The following ATOSA variants were observed in gnomAD, a reference collection of about 807,000 sequenced individuals.
The protein encoded by ATOSA is atos homolog protein A.
chr15:52,626,621 T>C, the ATOSA span, among the ~76,000 whole-genome samples: 1 of 151,866 alleles, frequency 6.6e-6, no homozygotes, highest in Non-Finnish European at 1.5e-5. Context: ...GTGAGGAAAT[T>C]GGACTTCAGA....
At chr15:52,619,173 T>C in the ATOSA span, among the ~76,000 whole-genome samples, 8 of 152,210 alleles carry the variant, frequency 5.3e-5, no homozygotes, top group Non-Finnish European at 1.2e-4. Context: ...TTGTCAAGAA[T>C]GTCTAATTTT....
chr15:52,666,393 A>G, the ATOSA span, among the ~76,000 whole-genome samples: 2 of 152,200 alleles, frequency 1.3e-5, no homozygotes, highest in African/African-American at 4.8e-5. Context: ...CTCGCACAAT[A>G]CCTGATAAGT....
chr15:52,620,308 T>G, the ATOSA span, among the ~76,000 whole-genome samples: 1 of 152,098 alleles, frequency 6.6e-6, no homozygotes, highest in Non-Finnish European at 1.5e-5. Flanking sequence ...GTTCTCAGGT[T>G]TTTTCCAACT....
At chr15:52,657,600 G>C in the ATOSA span, 1 of 152,134 alleles carries the variant, frequency 6.6e-6, no homozygotes, top group Non-Finnish European at 1.5e-5. Flanking sequence ...CTCATTGACT[G>C]TGTGTTTAGT....
At chr15:52,611,451 T>C in the ATOSA span, 2 of 1,213,778 alleles carry the variant, frequency 1.6e-6, no homozygotes, top group African/African-American at 1.5e-5. Context: ...GTGCCAAATA[T>C]AAATACTATC....
At chr15:52,644,420 G>A in the ATOSA span, among the ~76,000 whole-genome samples, 2 of 152,120 alleles carry the variant, frequency 1.3e-5, no homozygotes, top group African/African-American at 4.8e-5. Context: ...TGTTAGAAGA[G>A]CCTATGACAT....
chr15:52,653,012 C>T, the ATOSA span, among the ~76,000 whole-genome samples: 2 of 152,148 alleles, frequency 1.3e-5, no homozygotes, highest in African/African-American at 4.8e-5. Flanking sequence ...CCCTGAACGT[C>T]GCATCAACTA....
chr15:52,622,317 A>C, the ATOSA span, among the ~76,000 whole-genome samples: 2 of 152,192 alleles, frequency 1.3e-5, no homozygotes, highest in African/African-American at 2.4e-5. Flanking sequence ...CTGGAATCTC[A>C]GTGAGATTCC....
the ATOSA span, chr15:52,587,355 G>A: frequency 1.4e-6 from 1 of 702,764 alleles, no homozygotes; most frequent in South Asian, 2.1e-5. Flanking sequence ...TGAATTAATA[G>A]AGATACATTC....
the ATOSA span, among the ~76,000 whole-genome samples, chr15:52,606,623 T>C: frequency 1.3e-5 from 2 of 152,078 alleles, no homozygotes; most frequent in Non-Finnish European, 2.9e-5. Context: ...GCTTGAAAAA[T>C]ATCACGGCCA....
chr15:52,617,097 A>C, the ATOSA span, among the ~76,000 whole-genome samples: 2 of 152,216 alleles, frequency 1.3e-5, no homozygotes, highest in Non-Finnish European at 2.9e-5. Context: ...ATTGAAATTC[A>C]TATGTTGAAG....
chr15:52,594,571 A>G, the ATOSA span, among the ~76,000 whole-genome samples: 1 of 152,246 alleles, frequency 6.6e-6, no homozygotes, highest in Admixed American at 6.5e-5. Flanking sequence ...AAACAGTGAC[A>G]TATCAGCAAT....
the ATOSA span, among the ~76,000 whole-genome samples, chr15:52,672,416 T>C: frequency 2.0e-5 from 3 of 151,694 alleles, no homozygotes; most frequent in African/African-American, 4.8e-5. Context: ...TGAGCAAAGA[T>C]AGAATTAACT....
chr15:52,612,978 A>G, the ATOSA span, among the ~76,000 whole-genome samples: 32 of 152,228 alleles, frequency 2.1e-4, no homozygotes, highest in African/African-American at 7.2e-4. Context: ...AAGGAATACA[A>G]AAGGGAAATT....
the ATOSA span, chr15:52,598,722 C>T: frequency 6.6e-6 from 1 of 151,222 alleles, no homozygotes; most frequent in African/African-American, 2.4e-5. Context: ...GTGTACTGAT[C>T]TTTAACTATC....
the ATOSA span, chr15:52,609,224 A>T: frequency 6.2e-7 from 1 of 1,611,858 alleles, no homozygotes; most frequent in South Asian, 1.1e-5. Context: ...GAAGTAAAAC[A>T]TTTATTAGGT....
the ATOSA span, among the ~76,000 whole-genome samples, chr15:52,614,660 C>A: frequency 6.6e-6 from 1 of 151,682 alleles, no homozygotes; most frequent in Non-Finnish European, 1.5e-5. Context: ...CAAGCCTTAC[C>A]AACATGGTGA....
chr15:52,696,647 T>C, the ATOSA span, among the ~76,000 whole-genome samples: 2 of 152,118 alleles, frequency 1.3e-5, no homozygotes, highest in African/African-American at 2.4e-5. Flanking sequence ...CAACAGAAAT[T>C]AGATATTTTC....
chr15:52,667,070 T>C, the ATOSA span, among the ~76,000 whole-genome samples: 2 of 152,168 alleles, frequency 1.3e-5, no homozygotes, highest in African/African-American at 2.4e-5. Context: ...ATGGCTAGAC[T>C]GCAGGGAACC....
Sources: gnomAD v4.1 joint callset for allele counts (sites outside exome capture counted in the v4.1 genomes callset) on GRCh38, gnomAD v4.1.1 for gene constraint, MANE v1.5 for transcripts, NCBI Gene and HGNC (gene_info 2026-07-23, HGNC 2026-07-21) for gene names.